The following ARL3 variants were observed in gnomAD, a reference collection of about 807,000 sequenced individuals.
ARL3 encodes ARF like GTPase 3, also known as ADP-ribosylation factor-like protein 3.
Under a neutral mutation model 26.0 loss-of-function variants are expected in ARL3, and 9 were observed. The ratio of observed to expected loss-of-function variants is 0.35; its 90% confidence interval spans 0.21 to 0.60. The LOEUF is 0.60. Among genes scored for constraint, ARL3 ranks in the 20% least tolerant of loss-of-function variants. The pLI, the probability that ARL3 is intolerant of heterozygous loss-of-function variation, is 0.78. For missense variants in ARL3, 158 were observed against 215.7 expected (o/e 0.73, Z 1.67); for synonymous variants, 71 against 78.4 (o/e 0.91, Z 0.50).
rs548554855 is a variant in ARL3 at position 102,676,840 on chromosome 10, T to G, written c.*54A>C. 6.3e-6 allele frequency: 10 copies of G among 1,583,198 alleles called. No homozygotes were observed. The East Asian group carries it at 2.0e-4, about 32-fold the overall frequency. Reference sequence around the variant, plus strand: ...TGGTCAGAAAGCAGCAAATTAGTGTTTTTCAGGACCGAATTCGGCTCCCGC... The same window carrying G: ...TGGTCAGAAAGCAGCAAATTAGTGTGTTTCAGGACCGAATTCGGCTCCCGC... On this transcript the variant is annotated 3_prime_UTR_variant, in exon 6 of 6. Transcript: ENST00000260746.
At chr10:102,680,814 C>T (rs533680687) in intron 5 of ARL3, among the ~76,000 whole-genome samples, 1 of 152,236 alleles carries the variant, frequency 6.6e-6, no homozygotes, top group East Asian at 1.9e-4. Context: ...GCAATGCAGC[C>T]TACCTCATTG....
intron 3 of ARL3, among the ~76,000 whole-genome samples, chr10:102,691,971 A>C (rs183037898): frequency 6.6e-6 from 1 of 152,338 alleles, no homozygotes; most frequent in Admixed American, 6.5e-5. Flanking sequence ...ACAGCACTGG[A>C]AAATAATGAA....
At chr10:102,694,357 T>G (rs2064236450) in intron 3 of ARL3, among the ~76,000 whole-genome samples, 2 of 152,250 alleles carry the variant, frequency 1.3e-5, no homozygotes, top group Admixed American at 1.3e-4. Context: ...TTTGTGTATC[T>G]AAAACCTCAT....
At chr10:102,692,553 T>C (rs997723355) in intron 3 of ARL3, among the ~76,000 whole-genome samples, 9 of 150,714 alleles carry the variant, frequency 6.0e-5, no homozygotes, top group Admixed American at 3.3e-4. Flanking sequence ...GGAGCTGGGA[T>C]TACAGGCATG....
At chr10:102,682,953 T>C (rs1435532446) in intron 5 of ARL3, among the ~76,000 whole-genome samples, 1 of 152,216 alleles carries the variant, frequency 6.6e-6, no homozygotes, top group Admixed American at 6.5e-5. Context: ...TCAGTAATTA[T>C]TGCACAGTTT....
intron 1 of ARL3, among the ~76,000 whole-genome samples, chr10:102,710,219 G>T (rs1779279686): frequency 6.6e-6 from 1 of 152,138 alleles, no homozygotes; most frequent in African/African-American, 2.4e-5. Context: ...AATGATAAAT[G>T]GCATTTCAAG....
intron 5 of ARL3, among the ~76,000 whole-genome samples, chr10:102,681,646 C>T (rs879127924): frequency 3.3e-5 from 5 of 151,972 alleles, no homozygotes; most frequent in African/African-American, 9.7e-5. Context: ...GCAGACATCA[C>T]AAGAAAAGGT....
chr10:102,687,699 T>A (rs1030124950), intron 4 of ARL3, among the ~76,000 whole-genome samples: 27 of 150,978 alleles, frequency 1.8e-4, no homozygotes, highest in East Asian at 9.8e-4. Flanking sequence ...AAAAAAAAAA[T>A]TTTTTTTTGT....
Position 102,685,862 on chromosome 10 carries a change from A to G in ARL3, c.455T>C (p.Val152Ala). 1 of 1,613,956 alleles carries G rather than the reference A, an allele frequency of 6.2e-7. No individual in the cohort carries two copies. The highest frequency in any genetic ancestry group is 8.5e-7 in the Non-Finnish European group (1 of 1,179,954). Residue 152 changes from valine (V) to alanine (A), a missense_variant, in exon 5 of 6, where the codon GTC becomes GCC. By Grantham distance (64) the Val-to-Ala change is moderately conservative. Transcript: ENST00000260746. ...AGCTGAGCAAGACTGGATCTGCCAG[A>G]CTCGGTCGCGGATGGTATGCAGGTT... ...GLNLHTIRDR[V>A]WQIQSCSALT...
At chr10:102,710,878 A>G (rs2064335293) in intron 1 of ARL3, among the ~76,000 whole-genome samples, 1 of 152,226 alleles carries the variant, frequency 6.6e-6, no homozygotes, top group South Asian at 2.1e-4. Context: ...AGCTTAAACT[A>G]CTGGCAGAGG....
At chr10:102,676,998 C>T in intron 5 of ARL3, 57 bp from the exon 6 acceptor site, 1 of 1,587,584 alleles carries the variant, frequency 6.3e-7, no homozygotes, top group Non-Finnish European at 8.6e-7. Context: ...GCACCACACA[C>T]TCTAGCCTGG....
chr10:102,697,037 C>T (rs10748828), intron 3 of ARL3, among the ~76,000 whole-genome samples: 102,929 of 152,022 alleles, frequency 0.68, 35,293 homozygotes, highest in South Asian at 0.86. Flanking sequence ...CCCCAGGCTA[C>T]AAACCTGTAC....
chr10:102,714,007 C>T (rs1346003362), intron 1 of ARL3, among the ~76,000 whole-genome samples: 2 of 152,212 alleles, frequency 1.3e-5, no homozygotes, highest in South Asian at 2.1e-4. Flanking sequence ...CCGGGCTCCG[C>T]ACCCGGCCAG....
At chr10:102,679,480 A>G (rs2064144721) in intron 5 of ARL3, among the ~76,000 whole-genome samples, 1 of 152,208 alleles carries the variant, frequency 6.6e-6, no homozygotes, top group African/African-American at 2.4e-5. Flanking sequence ...CACAGGACAG[A>G]GCAGGGCAAT....
intron 2 of ARL3, among the ~76,000 whole-genome samples, chr10:102,700,614 G>A (rs1408505926): frequency 6.6e-6 from 1 of 150,560 alleles, no homozygotes; most frequent in East Asian, 2.0e-4. Context: ...ACAGGCGCCT[G>A]CCACCACACC....
intron 3 of ARL3, among the ~76,000 whole-genome samples, chr10:102,694,940 A>G (rs879346430): frequency 6.6e-6 from 1 of 152,132 alleles, no homozygotes; most frequent in Non-Finnish European, 1.5e-5. Flanking sequence ...GCTGCTCTTG[A>G]ACTCCTGACC....
At chr10:102,693,868 T>A (rs760256795) in intron 3 of ARL3, among the ~76,000 whole-genome samples, 25 of 151,912 alleles carry the variant, frequency 1.6e-4, no homozygotes, top group Non-Finnish European at 3.2e-4. Context: ...AGAGACAGGG[T>A]CACAGTATAT....
intron 4 of ARL3, among the ~76,000 whole-genome samples, chr10:102,689,605 G>A (rs1160009513): frequency 2.6e-5 from 4 of 152,166 alleles, no homozygotes; most frequent in African/African-American, 9.7e-5. Flanking sequence ...GCTGAGGCGG[G>A]AAGATCACCT....
At position 102,702,340 on chromosome 10, in the gene ARL3, T is replaced by A. The variant is rs147936984; in HGVS notation, c.148-2851A>T. ...AAATGTGAACAGTGGTATGTCTGAC[T>A]GGGCATTATAGGTGACTTTTAGTTT... On this transcript the variant is annotated intron_variant, in intron 2 of 5. Coordinates refer to ENST00000260746, the MANE Select transcript of ARL3 (RefSeq NM_004311.4). Among the ~76,000 whole-genome samples, 14 of 152,316 alleles carry A rather than the reference T, an allele frequency of 9.2e-5. No individual in the cohort carries two copies. In the East Asian group the frequency reaches 2.7e-3, roughly 29 times the overall value.
Sources: gnomAD v4.1 joint callset for allele counts (sites outside exome capture counted in the v4.1 genomes callset) on GRCh38, gnomAD v4.1.1 for gene constraint, MANE v1.5 for transcripts, NCBI Gene and HGNC (gene_info 2026-07-23, HGNC 2026-07-21) for gene names.